USH2A: variants seen among roughly 807,000 people sequenced by gnomAD.
The protein encoded by USH2A is usherin, also known as Usher syndrome 2A (autosomal recessive, mild).
USH2A carries 443 observed loss-of-function variants against 538.9 expected under a neutral mutation model. The ratio of observed to expected loss-of-function variants is 0.82; its 90% CI spans 0.76 to 0.89. USH2A has a LOEUF of 0.89. Ranked by LOEUF, USH2A falls within the 40% of genes least tolerant of loss-of-function variation. The probability of loss-of-function intolerance (pLI) is 0.00; values close to 1 mark genes in which losing one functional copy is unlikely to be tolerated. For missense variants in USH2A, 6,633 were observed against 6,324.8 expected, an observed-to-expected ratio of 1.05 and a Z score of -1.65; for synonymous variants, 2,413 against 2,273.5, an observed-to-expected ratio of 1.06 and a Z score of -1.75.
chr1:215,998,011 TAGAGCATTCA>T (rs1316404221), intron 34 of USH2A, among the ~76,000 whole-genome samples: 2 of 152,080 alleles, frequency 1.3e-5, no homozygotes, highest in African/African-American at 4.8e-5. Context: ...GTATAATATT[TAGAGCATTCA>T]AGAGCATGTT....
At chr1:216,351,154 C>A (rs962775961) in intron 4 of USH2A, among the ~76,000 whole-genome samples, 2 of 152,076 alleles carry the variant, frequency 1.3e-5, no homozygotes, top group Non-Finnish European at 2.9e-5. Context: ...TAAAAAAAAT[C>A]TTGCTTTCTC....
chr1:215,735,685 A>G (rs1359095402), intron 60 of USH2A, among the ~76,000 whole-genome samples: 1 of 152,094 alleles, frequency 6.6e-6, no homozygotes, highest in Non-Finnish European at 1.5e-5. Context: ...TTAACATTCC[A>G]GACATTTTTT....
chr1:216,088,100 A>G (rs2102564338), intron 23 of USH2A, among the ~76,000 whole-genome samples: 1 of 152,056 alleles, frequency 6.6e-6, no homozygotes, highest in African/African-American at 2.4e-5. Flanking sequence ...TTGACATGCC[A>G]CATGTAGTGT....
intron 64 of USH2A, among the ~76,000 whole-genome samples, chr1:215,662,533 T>C (rs1465474586): frequency 6.6e-6 from 1 of 152,184 alleles, no homozygotes; most frequent in African/African-American, 2.4e-5. Flanking sequence ...CTCCTGAATG[T>C]GCTCACACTG....
chr1:215,987,362 A>G (rs1032949638), intron 35 of USH2A, among the ~76,000 whole-genome samples: 19 of 152,240 alleles, frequency 1.2e-4, no homozygotes, highest in African/African-American at 4.1e-4. Context: ...TTACAAAGGA[A>G]GCGTCAAGGT....
chr1:216,039,721 T>A (rs771755070), intron 32 of USH2A, among the ~76,000 whole-genome samples: 1 of 151,956 alleles, frequency 6.6e-6, no homozygotes, highest in Non-Finnish European at 1.5e-5. Context: ...CTGATAAGGT[T>A]CCTTATAACG....
At chr1:215,767,291 CT>C (rs1385842175) in intron 55 of USH2A, among the ~76,000 whole-genome samples, 1 of 152,146 alleles carries the variant, frequency 6.6e-6, no homozygotes, top group African/African-American at 2.4e-5. Flanking sequence ...CAAATCCCCC[CT>C]GAGTCTTCTC....
rs780445479 is a variant in USH2A at position 215,782,726 on chromosome 1, G to T, written c.10585+12C>A. 5.6e-6 allele frequency: 9 copies of T among 1,611,058 alleles called. No individual in the cohort carries two copies. The highest frequency in any genetic ancestry group is 7.6e-6 in the Non-Finnish European group (9 of 1,178,134). On this transcript the variant is annotated intron_variant, in intron 53 of 71. Transcript: ENST00000307340. ...GGATTTTGTTATTTGTATTTTAAAG[G>T]TATCTCAATACCATTTGATTGTATA...
intron 21 of USH2A, among the ~76,000 whole-genome samples, chr1:216,128,961 A>G (rs1020380611): frequency 2.0e-5 from 3 of 151,906 alleles, no homozygotes; most frequent in African/African-American, 7.3e-5. Context: ...TGTCTCCATG[A>G]GATCAATTTT....
intron 11 of USH2A, among the ~76,000 whole-genome samples, chr1:216,258,216 C>T (rs1571630075): frequency 6.6e-6 from 1 of 152,040 alleles, no homozygotes; most frequent in South Asian, 2.1e-4. Flanking sequence ...CCTTTTGAGT[C>T]TTGCTCTTAA....
At chr1:215,834,701 A>G (rs1663425777) in intron 47 of USH2A, among the ~76,000 whole-genome samples, 1 of 151,052 alleles carries the variant, frequency 6.6e-6, no homozygotes. Context: ...CTTTTTAGTC[A>G]TATTGTTGGT....
At chr1:216,388,540 G>T (rs1038412832) in intron 3 of USH2A, among the ~76,000 whole-genome samples, 10 of 152,248 alleles carry the variant, frequency 6.6e-5, no homozygotes, top group African/African-American at 2.4e-4. Context: ...GGAATTCCAA[G>T]ACTCGGAAGA....
intron 11 of USH2A, among the ~76,000 whole-genome samples, chr1:216,287,608 G>A (rs552061425): frequency 2.2e-4 from 33 of 151,922 alleles, no homozygotes; most frequent in Non-Finnish European, 3.7e-4. Flanking sequence ...CCTATAAAAC[G>A]GACTTGAAAT....
At chr1:215,635,727 T>C (rs1332684124) in intron 69 of USH2A, among the ~76,000 whole-genome samples, 1 of 151,902 alleles carries the variant, frequency 6.6e-6, no homozygotes, top group Non-Finnish European at 1.5e-5. Context: ...GGCTAATTTT[T>C]GTATTTTTAG....
chr1:216,106,856 T>TA (rs1305935463), intron 21 of USH2A, among the ~76,000 whole-genome samples: 1 of 151,910 alleles, frequency 6.6e-6, no homozygotes, highest in Admixed American at 6.6e-5. Context: ...TATTTTTTGT[T>TA]AAAAAATTCC....
intron 36 of USH2A, among the ~76,000 whole-genome samples, chr1:215,969,529 T>C (rs762271396): frequency 2.0e-5 from 3 of 152,012 alleles, no homozygotes; most frequent in Non-Finnish European, 2.9e-5. Context: ...TCATGTGACG[T>C]GTTCTTTTGT....
intron 41 of USH2A, among the ~76,000 whole-genome samples, chr1:215,885,182 G>A (rs1471832871): frequency 6.6e-6 from 1 of 151,502 alleles, no homozygotes; most frequent in Non-Finnish European, 1.5e-5. Flanking sequence ...CTTTTTGTTA[G>A]AAATAACTTC....
chr1:215,978,045 C>G (rs1355451842), intron 35 of USH2A, among the ~76,000 whole-genome samples: 3 of 152,118 alleles, frequency 2.0e-5, no homozygotes, highest in Admixed American at 6.5e-5. Flanking sequence ...CAGAATCACT[C>G]AGGCCCAGGA....
chr1:216,207,964 C>T (rs2035153751), intron 15 of USH2A, among the ~76,000 whole-genome samples: 1 of 150,272 alleles, frequency 6.7e-6, no homozygotes, highest in African/African-American at 2.5e-5. Flanking sequence ...TAAATATTAT[C>T]AAGAAACGAT....
Sources: gnomAD v4.1 joint callset for allele counts (sites outside exome capture counted in the v4.1 genomes callset) on GRCh38, gnomAD v4.1.1 for gene constraint, MANE v1.5 for transcripts, NCBI Gene and HGNC (gene_info 2026-07-23, HGNC 2026-07-21) for gene names.